TMEM132C: variants seen among roughly 807,000 people sequenced by gnomAD.
TMEM132C encodes protein phosphatase 1, regulatory subunit 152.
Under a neutral mutation model 61.4 loss-of-function variants are expected in TMEM132C, and 29 were observed. That is an observed-to-expected ratio of 0.47 (90% CI 0.35 to 0.64). TMEM132C has a LOEUF of 0.64. Ranked by LOEUF, TMEM132C falls within the 30% of genes least tolerant of loss-of-function variation. TMEM132C has a pLI of 0.00. For missense variants in TMEM132C, 1,408 were observed against 1,476.9 expected (o/e 0.95, Z 0.76); for synonymous variants, 656 against 633.1 (o/e 1.04, Z -0.54).
At chr12:128,308,431 C>T (rs1383629281) in intron 1 of TMEM132C, among the ~76,000 whole-genome samples, 4 of 152,058 alleles carry the variant, frequency 2.6e-5, no homozygotes, top group Admixed American at 2.6e-4. Flanking sequence ...CATTGCATTG[C>T]ACAGCCGATG....
chr12:128,478,110 C>G (rs532679242), intron 2 of TMEM132C, among the ~76,000 whole-genome samples: 6 of 152,214 alleles, frequency 3.9e-5, no homozygotes, highest in Non-Finnish European at 5.9e-5. Context: ...CAAACTCTGC[C>G]AAAACCCAAA....
intron 1 of TMEM132C, among the ~76,000 whole-genome samples, chr12:128,333,636 T>C (rs939972696): frequency 2.6e-5 from 4 of 151,828 alleles, no homozygotes; most frequent in African/African-American, 7.3e-5. Flanking sequence ...GTGGTGTGTA[T>C]GTGTTGTATG....
intron 4 of TMEM132C, among the ~76,000 whole-genome samples, chr12:128,631,664 T>C (rs903937946): frequency 6.6e-6 from 1 of 152,232 alleles, no homozygotes; most frequent in Non-Finnish European, 1.5e-5. Context: ...AGATTGACCA[T>C]GTAGCTTCAG....
At chr12:128,488,588 G>A (rs997354052) in intron 2 of TMEM132C, among the ~76,000 whole-genome samples, 6 of 152,022 alleles carry the variant, frequency 3.9e-5, no homozygotes, top group African/African-American at 1.4e-4. Flanking sequence ...TTGAACCTGG[G>A]AGGCAGAGGT....
At chr12:128,577,181 G>A (rs138454860) in intron 3 of TMEM132C, among the ~76,000 whole-genome samples, 1 of 152,310 alleles carries the variant, frequency 6.6e-6, no homozygotes, top group African/African-American at 2.4e-5. Flanking sequence ...CATAAAATAT[G>A]TGGTCTTTTG....
At position 128,630,315 on chromosome 12, in the gene TMEM132C, C is replaced by T. The variant is rs749164557; in HGVS notation, c.1305+13980C>T. Among the ~76,000 whole-genome samples the T allele has an allele frequency of 2.6e-5, 4 of 152,198 alleles. No homozygotes were observed. Among genetic ancestry groups the T allele is most frequent in the Non-Finnish European group, 5.9e-5 (4 of 68,046 alleles). On this transcript the variant is annotated intron_variant, in intron 4 of 8. Transcript: ENST00000435159. This position sits in a 1 kb window ranked among gnomAD's most constrained non-coding sequence, Gnocchi z 4.3. ...GGGCAGGGGCTGGAGCTTCTGGCCA[C>T]ATCCCACACCACTTAAGCCAAATCA...
intron 2 of TMEM132C, among the ~76,000 whole-genome samples, chr12:128,488,751 A>G (rs1308073113): frequency 6.6e-6 from 1 of 152,056 alleles, no homozygotes; most frequent in East Asian, 1.9e-4. Context: ...CTACAACTAG[A>G]AAATGACTTT....
intron 5 of TMEM132C, among the ~76,000 whole-genome samples, chr12:128,676,020 T>G (rs1954583407): frequency 1.3e-5 from 2 of 152,226 alleles, no homozygotes; most frequent in East Asian, 3.8e-4. Flanking sequence ...GTCATCAACT[T>G]CAGTTAATTT....
chr12:128,451,053 A>C (rs960308642), intron 2 of TMEM132C, among the ~76,000 whole-genome samples: 1 of 152,194 alleles, frequency 6.6e-6, no homozygotes, highest in Non-Finnish European at 1.5e-5. Flanking sequence ...AACAGATTCA[A>C]AGTTTCTTGT....
chr12:128,454,074 A>G (rs1426615003), intron 2 of TMEM132C, among the ~76,000 whole-genome samples: 1 of 152,202 alleles, frequency 6.6e-6, no homozygotes, highest in African/African-American at 2.4e-5. Context: ...CCTTCTGCAT[A>G]TATTTGCCCA....
At chr12:128,652,861 G>A (rs907164313) in intron 4 of TMEM132C, among the ~76,000 whole-genome samples, 5 of 152,184 alleles carry the variant, frequency 3.3e-5, no homozygotes, top group Admixed American at 6.5e-5. Context: ...AAGATAATTC[G>A]CCTTGGGGAA....
intron 2 of TMEM132C, among the ~76,000 whole-genome samples, chr12:128,519,956 T>A (rs1412951226): frequency 2.0e-5 from 3 of 152,236 alleles, no homozygotes. Flanking sequence ...CTAAAACACA[T>A]GTTATTTCAA....
rs922765150 is a variant in TMEM132C at position 128,308,833 on chromosome 12, G to T, written c.85+41346G>T. On this transcript the variant is annotated intron_variant, in intron 1 of 8. Transcript: ENST00000435159. ...AAATCTTCTGGTCCCATCACCTGGT[G>T]CTGAGGCTCTTCTTTCCTGTGAACT... 3.3e-5 allele frequency among the ~76,000 whole-genome samples: 5 copies of T among 152,306 alleles called. No homozygotes were observed. In the South Asian group the frequency reaches 6.2e-4, roughly 19 times the overall value.
intron 1 of TMEM132C, among the ~76,000 whole-genome samples, chr12:128,298,386 A>G (rs1871480163): frequency 8.0e-6 from 1 of 124,262 alleles, no homozygotes; most frequent in Non-Finnish European, 1.9e-5. Flanking sequence ...GGCAATTGTT[A>G]TGTTGATTTT....
At chr12:128,673,911 A>T (rs769700576) in intron 5 of TMEM132C, among the ~76,000 whole-genome samples, 2 of 152,210 alleles carry the variant, frequency 1.3e-5, no homozygotes, top group African/African-American at 4.8e-5. Context: ...TGGTCATCTC[A>T]TGTAATCCTC....
intron 2 of TMEM132C, among the ~76,000 whole-genome samples, chr12:128,541,861 A>T (rs12823989): frequency 0.32 from 48,098 of 151,998 alleles, 9,468 homozygotes; most frequent in Non-Finnish European, 0.43. Flanking sequence ...GAGGGTGAAG[A>T]TGCAGTCTAG....
chr12:128,706,244 T>C lies in TMEM132C; in HGVS notation c.3276T>C (p.Gly1092=), dbSNP rs542853204. The change falls in exon 9 of 9, where the codon GGT becomes GGC. Residue 1092 remains glycine (G), a synonymous_variant. Transcript: ENST00000435159. ...GGGTGTGTCAAGACGTGGCTGTGGG[T>C]GCCCCCAAGGAACTTAGAAACTATC... The part of the protein sequence containing the change: ...IKWVCQDVAV[G]APKELRNYLE... 22 of 1,551,332 alleles carry C rather than the reference T, an allele frequency of 1.4e-5. No individual in the cohort carries two copies. The East Asian group carries it at 4.6e-4, about 33-fold the overall frequency.
At chr12:128,413,298 C>CAAAAAAAA (rs56026776) in intron 1 of TMEM132C, among the ~76,000 whole-genome samples, 15 of 60,568 alleles carry the variant, frequency 2.5e-4, no homozygotes, top group East Asian at 6.1e-4. Context: ...GACTCTGTCT[C>CAAAAAAAA]AAAAAAAAAA....
chr12:128,539,740 G>T (rs1873669540), intron 2 of TMEM132C, among the ~76,000 whole-genome samples: 1 of 152,198 alleles, frequency 6.6e-6, no homozygotes, highest in African/African-American at 2.4e-5. Flanking sequence ...CTAGGTTACG[G>T]AGTGGCTGTT....
Sources: gnomAD v4.1 joint callset for allele counts (sites outside exome capture counted in the v4.1 genomes callset) on GRCh38, gnomAD v4.1.1 for gene constraint, Gnocchi (gnomAD v3.1) non-coding constraint, MANE v1.5 for transcripts, NCBI Gene and HGNC (gene_info 2026-07-23, HGNC 2026-07-21) for gene names.